Variants in GPR132 observed in about 807,000 individuals in gnomAD.
GPR132 encodes probable G protein-coupled receptor 132.
A neutral mutation model predicts 1.9 loss-of-function variants in GPR132; 4 were observed. The ratio of observed to expected loss-of-function variants is 2.13; its 90% CI spans 1.05 to 4.87. GPR132 has a LOEUF of 4.87. Among genes scored for constraint, GPR132 ranks in the 30% most tolerant of loss-of-function variants. GPR132 has a pLI of 0.01. For synonymous variants in GPR132, 233 were observed against 234.2 expected (o/e 0.99, Z 0.05); for missense variants, 404 against 512.5 (o/e 0.79, Z 2.04).
chr14:105,060,884 C>T lies in GPR132; in HGVS notation c.-860-3604G>A, dbSNP rs996377446. On this transcript the variant is annotated intron_variant, in intron 1 of 3. Coordinates refer to ENST00000329797, the MANE Select transcript of GPR132 (RefSeq NM_013345.4). The surrounding 1 kb of genome is among the most constrained non-coding windows in gnomAD (Gnocchi z 6.3). ...GCAGTGGAAATGCACGCTCCCCTCCCGGGCCCCAGCCGCAGGCAGAGGCTC... is the reference window on the plus strand; with the variant it reads ...GCAGTGGAAATGCACGCTCCCCTCCTGGGCCCCAGCCGCAGGCAGAGGCTC... Among the ~76,000 whole-genome samples, 5 of 152,274 alleles carry T rather than the reference C, an allele frequency of 3.3e-5. No homozygotes were observed. The highest frequency in any genetic ancestry group is 5.9e-5 in the Non-Finnish European group (4 of 68,050).
intron 1 of GPR132, chr14:105,057,506 C>A: frequency 5.3e-6 from 1 of 190,356 alleles, no homozygotes; most frequent in Non-Finnish European, 1.0e-5. Flanking sequence ...CGACTACATA[C>A]GATTCTTTTT....
Position 105,060,801 on chromosome 14 carries a change from G to A in GPR132, c.-860-3521C>T, listed in dbSNP as rs368492865. On this transcript the variant is annotated intron_variant, in intron 1 of 3. Transcript: ENST00000329797. This position sits in a 1 kb window ranked among gnomAD's most constrained non-coding sequence, Gnocchi z 6.3. The stretch of plus-strand genomic sequence containing the variant: ...CCGCCCAGTCACGCCAATGCCAGCC[G>A]GCAACCCTGGGTCAGAGGGCTGCAA... Among the ~76,000 whole-genome samples the A allele has an allele frequency of 7.2e-5, 11 of 152,350 alleles. No individual in the cohort carries two copies. Among genetic ancestry groups the A allele is most frequent in the South Asian group, 2.1e-4 (1 of 4,822 alleles).
rs372588939 is a variant in GPR132 at position 105,055,455 on chromosome 14, G to C, written c.-35C>G. ...TCTGCAACCATCGCCAGCATCCGTCGGCAGAACCTTCTCATCTTCCCAAAC... is the reference window on the plus strand; with the variant it reads ...TCTGCAACCATCGCCAGCATCCGTCCGCAGAACCTTCTCATCTTCCCAAAC... On this transcript the variant is annotated 5_prime_UTR_variant, in exon 3 of 4. Coordinates refer to ENST00000329797, the MANE Select transcript of GPR132 (RefSeq NM_013345.4). The surrounding 1 kb of genome is among the most constrained non-coding windows in gnomAD (Gnocchi z 4.7). 6 of 779,876 alleles carry C rather than the reference G, an allele frequency of 7.7e-6. No individual in the cohort carries two copies. The highest frequency in any genetic ancestry group is 1.4e-5 in the Non-Finnish European group (6 of 417,142). The allele number at this position is 779,876 out of a possible 1,614,324, so 48.3% of individuals were successfully genotyped here. A position where few individuals can be genotyped will look rare whatever the true frequency, so the allele number is the denominator to read the frequency against.
rs563850905 is a variant in GPR132 at position 105,062,228 on chromosome 14, T to C, written c.-861+3151A>G. On this transcript the variant is annotated intron_variant, in intron 1 of 3. Coordinates refer to ENST00000329797, the MANE Select transcript of GPR132 (RefSeq NM_013345.4). ...CTGCATCTCCTGTCCCTGCTGGCCC[T>C]GGGCCCCTGCCTCCACCTCACATCA... 6.5e-3 allele frequency among the ~76,000 whole-genome samples: 988 copies of C among 152,276 alleles called. 10 individuals are homozygous for C. The highest frequency in any genetic ancestry group is 0.023 in the African/African-American group (949 of 41,576).
intron 1 of GPR132, 46 bp from the exon 2 acceptor site, chr14:105,057,326 G>A (rs7147439): frequency 0.68 from 431,405 of 636,246 alleles, 148,898 homozygotes; most frequent in Non-Finnish European, 0.72. Flanking sequence ...ATCAGATTGA[G>A]TCACAAGTTA....
At chr14:105,064,987 T>C (rs1292582268) in intron 1 of GPR132, among the ~76,000 whole-genome samples, 2 of 151,084 alleles carry the variant, frequency 1.3e-5, no homozygotes, top group African/African-American at 2.4e-5. Flanking sequence ...AGCCCTTCAG[T>C]GCCCCCCGAC....
intron 1 of GPR132, among the ~76,000 whole-genome samples, chr14:105,061,245 C>T (rs1264098186): frequency 6.6e-6 from 1 of 152,266 alleles, no homozygotes; most frequent in African/African-American, 2.4e-5. Flanking sequence ...GGGAGCCCTG[C>T]ACCAGCCCTT....
At chr14:105,054,966 G>A (rs1183992795) in intron 3 of GPR132, among the ~76,000 whole-genome samples, 2 of 149,560 alleles carry the variant, frequency 1.3e-5, no homozygotes, top group Non-Finnish European at 3.0e-5. Context: ...TGTGAACCCG[G>A]AAGGCAGAGA....
intron 1 of GPR132, among the ~76,000 whole-genome samples, chr14:105,063,420 G>T (rs1227637430): frequency 6.6e-6 from 1 of 151,506 alleles, no homozygotes; most frequent in African/African-American, 2.4e-5. Context: ...CGTTGCCCAG[G>T]CTGGAGTGCA....
rs1886616090 is a variant in GPR132 at position 105,050,918 on chromosome 14, G to C, written c.*76C>G. On this transcript the variant is annotated 3_prime_UTR_variant, in exon 4 of 4. Coordinates refer to ENST00000329797, the MANE Select transcript of GPR132 (RefSeq NM_013345.4). The surrounding 1 kb of genome is among the most constrained non-coding windows in gnomAD (Gnocchi z 4.0). ...CAGAGGGGACATGGGCACTGTGGCT[G>C]GTGGGCTCAGTGCACAGGAACCACA... is the stretch of plus-strand genomic sequence containing the variant. 24 of 1,341,362 alleles carry C rather than the reference G, an allele frequency of 1.8e-5. No homozygotes were observed. The South Asian group carries it at 2.2e-4, about 12-fold the overall frequency. The allele number at this position is 1,341,362 out of a possible 1,614,324, so 83.1% of individuals were successfully genotyped here.
rs150884779 is a variant in GPR132 at position 105,059,433 on chromosome 14, C to G, written c.-860-2153G>C. On this transcript the variant is annotated intron_variant, in intron 1 of 3. Coordinates refer to ENST00000329797, the MANE Select transcript of GPR132 (RefSeq NM_013345.4). This position sits in a 1 kb window ranked among gnomAD's most constrained non-coding sequence, Gnocchi z 4.2. Reference sequence around the variant, plus strand: ...GGAAAGTATCTTGGGCCCCTTCAAGCTGGGAACTGCTCAGCGCCGATCTGC... The same window carrying G: ...GGAAAGTATCTTGGGCCCCTTCAAGGTGGGAACTGCTCAGCGCCGATCTGC... Among the ~76,000 whole-genome samples the G allele has an allele frequency of 3.6e-3, 555 of 152,312 alleles. 6 individuals are homozygous for G. The highest frequency in any genetic ancestry group is 0.013 in the African/African-American group (533 of 41,574).
In GPR132 at chr14:105,059,295, C is replaced by A. The variant is rs538398872; in HGVS notation, c.-860-2015G>T. ...TCTTGCAGGAATTCTCTGGAAGCTGCTCAAAAGTGAGGCAGAACCCAGGGA... is the reference window on the plus strand; with the variant it reads ...TCTTGCAGGAATTCTCTGGAAGCTGATCAAAAGTGAGGCAGAACCCAGGGA... On this transcript the variant is annotated intron_variant, in intron 1 of 3. Transcript: ENST00000329797. The surrounding 1 kb of genome is among the most constrained non-coding windows in gnomAD (Gnocchi z 4.2). Among the ~76,000 whole-genome samples the A allele has an allele frequency of 4.6e-4, 70 of 152,338 alleles. No homozygotes were observed. Among genetic ancestry groups the A allele is most frequent in the African/African-American group, 1.6e-3 (65 of 41,580 alleles).
At position 105,050,097 on chromosome 14, in the gene GPR132, T is replaced by C. The variant is rs941392312; in HGVS notation, c.*897A>G. 1 of 152,344 alleles carries C rather than the reference T, an allele frequency of 6.6e-6. No homozygotes were observed. Among genetic ancestry groups the C allele is most frequent in the Non-Finnish European group, 1.5e-5 (1 of 68,120 alleles). The allele number at this position is 152,344 out of a possible 1,614,324, so 9.4% of individuals were successfully genotyped here. A position where few individuals can be genotyped will look rare whatever the true frequency, so the allele number is the denominator to read the frequency against. On this transcript the variant is annotated 3_prime_UTR_variant, in exon 4 of 4. Transcript: ENST00000329797. This position sits in a 1 kb window ranked among gnomAD's most constrained non-coding sequence, Gnocchi z 4.0. ...ACCAGGGCATCAGTGTGACCTGGTC[T>C]AGGCAAGGCCTTTGCGGCAGACCCA... is the stretch of plus-strand genomic sequence containing the variant.
chr14:105,061,370 C>T (rs1004628926), intron 1 of GPR132, among the ~76,000 whole-genome samples: 1 of 152,242 alleles, frequency 6.6e-6, no homozygotes, highest in African/African-American at 2.4e-5. Context: ...TCCGGGGTCC[C>T]GCCAGCACCT....
chr14:105,065,351 C>A (rs1887056955), intron 1 of GPR132, 28 bp downstream of exon 1: 1 of 152,328 alleles, frequency 6.6e-6, no homozygotes, highest in East Asian at 1.9e-4. Flanking sequence ...CAGGCCCACT[C>A]CCCAGCACGC....
intron 1 of GPR132, among the ~76,000 whole-genome samples, chr14:105,058,757 G>A (rs1886865646): frequency 6.6e-6 from 1 of 152,268 alleles, no homozygotes; most frequent in Non-Finnish European, 1.5e-5. Context: ...ATGGCTCAGG[G>A]CATGCAGGGG....
intron 3 of GPR132, chr14:105,054,114 G>C (rs1401146930): frequency 7.8e-7 from 1 of 1,287,772 alleles, no homozygotes; most frequent in African/African-American, 1.5e-5. Context: ...ACAGATCATG[G>C]AGTCCCACCT....
chr14:105,051,321 G>A lies in GPR132; in HGVS notation c.816C>T (p.Tyr272=). 1.9e-6 allele frequency: 3 copies of A among 1,614,062 alleles called. No homozygotes were observed. Among genetic ancestry groups the A allele is most frequent in the Non-Finnish European group, 2.5e-6 (3 of 1,179,876 alleles). Residue 272 remains tyrosine (Y), a synonymous_variant, in exon 4 of 4, where the codon TAC becomes TAT. Transcript: ENST00000329797. This position sits in a 1 kb window ranked among gnomAD's most constrained non-coding sequence, Gnocchi z 8.0. ...LLVKAAAFSY[Y]RGDRNAMCGL... ...CGCACATGGCGTTCCTGTCTCCTCT[G>A]TAGTAGGAAAAGGCAGCGGCTTTGA...
At chr14:105,058,075 T>G (rs898732557) in intron 1 of GPR132, 1 of 152,134 alleles carries the variant, frequency 6.6e-6, no homozygotes, top group Non-Finnish European at 1.5e-5. Flanking sequence ...AACATAAAAA[T>G]AGCTCCTAAA....
Sources: gnomAD v4.1 joint callset for allele counts (sites outside exome capture counted in the v4.1 genomes callset) on GRCh38, gnomAD v4.1.1 for gene constraint, Gnocchi (gnomAD v3.1) non-coding constraint, MANE v1.5 for transcripts, NCBI Gene and HGNC (gene_info 2026-07-23, HGNC 2026-07-21) for gene names.